TLR1: variants seen among roughly 807,000 people sequenced by gnomAD.
TLR1 encodes toll like receptor 1.
TLR1 carries 19 observed loss-of-function variants against 20.2 expected under a neutral mutation model. That is an observed-to-expected ratio of 0.94 (90% CI 0.66 to 1.38). The LOEUF is 1.38. TLR1 is among the 40% of genes most tolerant of loss of function. The probability of loss-of-function intolerance (pLI) is 0.00; values close to 1 mark genes in which losing one functional copy is unlikely to be tolerated. For missense variants in TLR1, 921 were observed against 910.0 expected (o/e 1.01, Z -0.16); for synonymous variants, 320 against 334.5 (o/e 0.96, Z 0.47).
In TLR1 at chr4:38,796,596, G is replaced by T. The variant is rs1726074377; in HGVS notation, c.2236C>A (p.Leu746Ile). 6.2e-7 allele frequency: 1 copy of T among 1,614,050 alleles called. No individual in the cohort carries two copies. Among genetic ancestry groups the T allele is most frequent in the African/African-American group, 1.3e-5 (1 of 74,918 alleles). The change falls in exon 4 of 4, where the codon CTC becomes ATC. Residue 746 changes from leucine (L) to isoleucine (I), a missense_variant. Coordinates refer to ENST00000308979, the MANE Select transcript of TLR1 (RefSeq NM_003263.4). ...GTCCTCCTGGCCATGAGACTTTTGAGCTTGTGATAACTGCTAGGAATGGAG... is the reference window on the plus strand; with the variant it reads ...GTCCTCCTGGCCATGAGACTTTTGATCTTGTGATAACTGCTAGGAATGGAG... ...QYSIPSSYHK[L>I]KSLMARRTYL...
upstream of TLR1, chr4:38,805,459 A>T (rs1431448801): frequency 1.3e-5 from 2 of 152,254 alleles, no homozygotes; most frequent in African/African-American, 4.8e-5. Context: ...TAGGGTTTAT[A>T]AAAATCCTGG....
Position 38,797,608 on chromosome 4 carries a change from A to ATTCTGGC in TLR1, c.1217_1223dup (p.Asn408LysfsTer8), listed in dbSNP as rs1462025588. The ATTCTGGC allele has an allele frequency of 3.7e-6, 6 of 1,613,726 alleles. No individual in the cohort carries two copies. The African/African-American group carries it at 8.0e-5, about 22-fold the overall frequency. On this transcript the variant is annotated frameshift_variant, in exon 4 of 4. Transcript: ENST00000308979. LOFTEE classifies it high-confidence loss of function. ...CTTTCTTTTCATCATAGCTTACAGA[A>ATTCTGGC]TTCTGGCTAATATCCAATTGTTGCA...
chr4:38,794,982 A>G (rs1003538879), downstream of TLR1, among the ~76,000 whole-genome samples: 1 of 152,204 alleles, frequency 6.6e-6, no homozygotes, highest in African/African-American at 2.4e-5. Flanking sequence ...TCAGGACTCA[A>G]GAGTGACCCG....
At chr4:38,791,470 AT>A (rs1725720602), downstream of TLR1, among the ~76,000 whole-genome samples, 1 of 152,190 alleles carries the variant, frequency 6.6e-6, no homozygotes, top group Non-Finnish European at 1.5e-5. Flanking sequence ...CATGAATTTT[AT>A]CTATGATATT....
intron 2 of TLR1, among the ~76,000 whole-genome samples, chr4:38,803,898 C>T (rs1233372176): frequency 6.6e-6 from 1 of 152,180 alleles, no homozygotes; most frequent in East Asian, 1.9e-4. Flanking sequence ...TGAATCAATA[C>T]ATTTAATTTG....
chr4:38,797,335 G>A lies in TLR1; in HGVS notation c.1497C>T (p.His499=). 1 of 1,614,158 alleles carries A rather than the reference G, an allele frequency of 6.2e-7. No individual in the cohort carries two copies. Among genetic ancestry groups the A allele is most frequent in the Non-Finnish European group, 8.5e-7 (1 of 1,180,016 alleles). Residue 499 remains histidine (H), a synonymous_variant, in exon 4 of 4, where the codon CAC becomes CAT. Transcript: ENST00000308979. ...CAGCCGATGGGTGGGAAACTGAATT[G>A]TGATCAATGATCAATACAGAAAGGC... is the stretch of plus-strand genomic sequence containing the variant. ...FSSLSVLIID[H]NSVSHPSADF...
intron 2 of TLR1, among the ~76,000 whole-genome samples, chr4:38,803,828 G>A (rs1031723809): frequency 1.3e-5 from 2 of 152,152 alleles, no homozygotes; most frequent in Admixed American, 1.3e-4. Flanking sequence ...AATGCCTCTA[G>A]GTGAGCTTCT....
rs1019823380 is a variant in TLR1, at chr4:38,796,816, G to C, written c.2016C>G (p.Asn672Lys). Residue 672 changes from asparagine (N) to lysine (K), a missense_variant, in exon 4 of 4, where the codon AAC becomes AAG. By Grantham distance (94) the Asn-to-Lys change is moderately conservative. Transcript: ENST00000308979. Reference sequence around the variant, plus strand: ...CCACAATGCTCTTGCCAGGAACAAAGTTTCTCTCATGAAGGCAAATCTGCA... The same window carrying C: ...CCACAATGCTCTTGCCAGGAACAAACTTTCTCTCATGAAGGCAAATCTGCA... ...EGMQICLHER[N>K]FVPGKSIVEN... 1 of 1,614,108 alleles carries C rather than the reference G, an allele frequency of 6.2e-7. No individual in the cohort carries two copies. Among genetic ancestry groups the C allele is most frequent in the African/African-American group, 1.3e-5 (1 of 74,940 alleles).
rs746365616 is a variant in TLR1, at chr4:38,798,690, T to C, written c.142A>G (p.Thr48Ala). The change falls in exon 4 of 4, where the codon ACA becomes GCA. Residue 48 changes from threonine (T) to alanine (A), a missense_variant. Thr to Ala is a moderately conservative substitution (Grantham distance 58). Coordinates refer to ENST00000308979, the MANE Select transcript of TLR1 (RefSeq NM_003263.4). ...HVPKDLSQKT[T>A]ILNISQNYIS... ...TAATTTTGCGATATATTTAAGATTG[T>C]TGTTTTCTGGGATAGGTCTTTAGGA... 1.6e-5 allele frequency: 26 copies of C among 1,613,950 alleles called. No homozygotes were observed. The highest frequency in any genetic ancestry group is 1.9e-5 in the Non-Finnish European group (23 of 1,179,982).
At chr4:38,795,105 G>A (rs74929549), downstream of TLR1, among the ~76,000 whole-genome samples, 10,501 of 152,150 alleles carry the variant, frequency 0.069, 784 homozygotes, top group Non-Finnish European at 0.1. Context: ...CTGAGAAAAG[G>A]TATCAATTAC....
In TLR1 at chr4:38,797,977, AC is replaced by A; in HGVS notation, c.854del (p.Gly285ValfsTer15). On this transcript the variant is annotated frameshift_variant, in exon 4 of 4. Transcript: ENST00000308979. LOFTEE classifies it low-confidence loss of function (END_TRUNC). ...AATCAAAATCTCTGAAGTCCAGCTG[AC>A]CCTGTAGCTTCACGTTTGAAATTGA... ...YFSISNVKLQ[G>X]QLDFRDFDYS... The A allele has an allele frequency of 6.2e-7, 1 of 1,614,178 alleles. No individual in the cohort carries two copies. Among genetic ancestry groups the A allele is most frequent in the Non-Finnish European group, 8.5e-7 (1 of 1,180,020 alleles).
intron 2 of TLR1, among the ~76,000 whole-genome samples, chr4:38,801,459 A>G (rs1726637607): frequency 6.6e-6 from 1 of 152,240 alleles, no homozygotes; most frequent in Non-Finnish European, 1.5e-5. Flanking sequence ...TAAACAGACT[A>G]AAATAATGGG....
upstream of TLR1, chr4:38,805,449 T>C (rs1460070289): frequency 2.6e-5 from 4 of 152,246 alleles, no homozygotes; most frequent in East Asian, 7.7e-4. Flanking sequence ...GTTTTTCACA[T>C]AGGGTTTATA....
In TLR1 at chr4:38,796,975, G is replaced by A. The variant is rs148537628; in HGVS notation, c.1857C>T (p.Thr619=). The change falls in exon 4 of 4, where the codon ACC becomes ACT. Residue 619 remains threonine (T), a synonymous_variant. Transcript: ENST00000308979. ...AGGGTATGTTCCTGGCCCTGCGCCG[G>A]GTCTGGGTCCACTGGCACACCATCC... ...YLRMVCQWTQ[T]RRRARNIPLE... is the part of the protein sequence containing the mutation. 217 of 1,614,184 alleles carry A rather than the reference G, an allele frequency of 1.3e-4. No individual in the cohort carries two copies. Among genetic ancestry groups the A allele is most frequent in the African/African-American group, 1.1e-3 (85 of 75,030 alleles).
chr4:38,795,832 G>A (rs190434392), downstream of TLR1, among the ~76,000 whole-genome samples: 4 of 152,342 alleles, frequency 2.6e-5, no homozygotes, highest in African/African-American at 9.6e-5. Context: ...CAGGGAGAGT[G>A]TAAAGTATAC....
chr4:38,797,823 G>A lies in TLR1; in HGVS notation c.1009C>T (p.Arg337Cys), dbSNP rs200457447. Residue 337 changes from arginine to cysteine, a missense_variant, in exon 4 of 4, where the codon CGC becomes TGC. By Grantham distance (180) the Arg-to-Cys change is radical. Transcript: ENST00000308979. ...GATGGGCAAAGCATGTGGACCATGC[G>A]TGTACCAGACACTGTGAAATTTTTG... ...NIKNFTVSGT[R>C]MVHMLCPSKI... is the part of the protein sequence containing the mutation. 1.4e-4 allele frequency: 221 copies of A among 1,614,152 alleles called. No individual in the cohort carries two copies. The highest frequency in any genetic ancestry group is 6.5e-4 in the East Asian group (29 of 44,878).
In TLR1 at chr4:38,797,396, G is replaced by T. The variant is rs1340851887; in HGVS notation, c.1436C>A (p.Ser479Tyr). 2 of 1,614,078 alleles carry T rather than the reference G, an allele frequency of 1.2e-6. No homozygotes were observed. Among genetic ancestry groups the T allele is most frequent in the Non-Finnish European group, 1.7e-6 (2 of 1,180,026 alleles). The change falls in exon 4 of 4, where the codon TCT (serine) becomes TAT (tyrosine). Residue 479 changes from serine (S) to tyrosine (Y), a missense_variant. Transcript: ENST00000308979. ...ALQELNVAFN[S>Y]LTDLPGCGSF... is the part of the protein sequence containing the mutation. Reference sequence around the variant, plus strand: ...GCCACATCCAGGAAGGTCAGTTAAAGAATTGAAAGCAACATTGAGTTCTTG... The same window carrying T: ...GCCACATCCAGGAAGGTCAGTTAAATAATTGAAAGCAACATTGAGTTCTTG...
Position 38,798,801 on chromosome 4 carries a change from A to C in TLR1, c.31T>G (p.Phe11Val). The change falls in exon 4 of 4, where the codon TTC becomes GTC. Residue 11 changes from phenylalanine to valine, a missense_variant. Physicochemically the swap from Phe to Val is conservative, Grantham distance 50. Transcript: ENST00000308979. ...ATTCTGATCTGAAGTATTAACATGA[A>C]GATAATGGCAAAATGGAAGATGCTA... The part of the protein sequence containing the change: MTSIFHFAII[F>V]MLILQIRIQL... The C allele has an allele frequency of 6.2e-7, 1 of 1,600,800 alleles. No individual in the cohort carries two copies. Among genetic ancestry groups the C allele is most frequent in the South Asian group, 1.1e-5 (1 of 88,886 alleles).
chr4:38,804,109 T>C (rs928881954), intron 2 of TLR1, among the ~76,000 whole-genome samples, 197 bp downstream of exon 2: 1 of 152,260 alleles, frequency 6.6e-6, no homozygotes, highest in African/African-American at 2.4e-5. Context: ...TTGCTTTCTA[T>C]GCGGTTTTGT....
Sources: gnomAD v4.1 joint callset for allele counts (sites outside exome capture counted in the v4.1 genomes callset) on GRCh38, gnomAD v4.1.1 for gene constraint, MANE v1.5 for transcripts, NCBI Gene and HGNC (gene_info 2026-07-23, HGNC 2026-07-21) for gene names.